B4GALT1: variants seen among roughly 807,000 people sequenced by gnomAD.
B4GALT1 encodes beta-1,4-galactosyltransferase 1.
B4GALT1 carries 16 observed loss-of-function variants against 34.9 expected under a neutral mutation model. The observed-to-expected ratio is 0.46, with a 90% CI of 0.31 to 0.70. B4GALT1 has a LOEUF of 0.70. Ranked by LOEUF, B4GALT1 falls within the 30% of genes least tolerant of loss-of-function variation. The pLI is 0.05. For synonymous variants in B4GALT1, 221 were observed against 218.1 expected, an observed-to-expected ratio of 1.01 and a Z score of -0.12; for missense variants, 445 against 530.5, an observed-to-expected ratio of 0.84 and a Z score of 1.58.
Position 33,157,730 on chromosome 9 carries a change from G to A in B4GALT1, c.412+9028C>T, listed in dbSNP as rs1315655913. 3.3e-5 allele frequency among the ~76,000 whole-genome samples: 5 copies of A among 149,556 alleles called. No homozygotes were observed. The South Asian group carries it at 6.3e-4, about 19-fold the overall frequency. On this transcript the variant is annotated intron_variant, in intron 1 of 5. Coordinates refer to ENST00000379731, the MANE Select transcript of B4GALT1 (RefSeq NM_001497.4). ...TGTATTTTCAACTAAAAAAAAAAAAGGTCCTATAAAGCAAAAGCCAAAATC... is the reference window on the plus strand; with the variant it reads ...TGTATTTTCAACTAAAAAAAAAAAAAGTCCTATAAAGCAAAAGCCAAAATC...
chr9:33,116,000 A>G lies in B4GALT1; in HGVS notation c.950T>C (p.Ile317Thr). 1 of 1,611,684 alleles carries G rather than the reference A, an allele frequency of 6.2e-7. No homozygotes were observed. Among genetic ancestry groups the G allele is most frequent in the Non-Finnish European group, 8.5e-7 (1 of 1,178,266 alleles). ...AAGTTATGACCATTACCTGTTAAAAATGTCATCATCTTCTCCTCCCCAGCC... is the reference window on the plus strand; with the variant it reads ...AAGTTATGACCATTACCTGTTAAAAGTGTCATCATCTTCTCCTCCCCAGCC... ...YWGWGGEDDD[I>T]FNRLVFRGMS... is the part of the protein sequence containing the mutation. Residue 317 changes from isoleucine to threonine, a missense_variant, in exon 4 of 6, where the codon ATT becomes ACT. Physicochemically the swap from Ile to Thr is moderately conservative, Grantham distance 89. Around this residue, in one of 3 missense-constraint regions of B4GALT1, gnomAD observed 89 missense variants for 107.6 expected, o/e 0.83. Coordinates refer to ENST00000379731, the MANE Select transcript of B4GALT1 (RefSeq NM_001497.4).
At chr9:33,175,021 A>ATATATATATATAT in the B4GALT1 span, among the ~76,000 whole-genome samples, 55 of 58,616 alleles carry the variant, frequency 9.4e-4, no homozygotes, top group East Asian at 2.1e-3. Context: ...ATATATATAT[A>ATATATATATATAT]AAATTGGAGG....
At chr9:33,114,686 T>C (rs373688507) in intron 4 of B4GALT1, among the ~76,000 whole-genome samples, 1 of 152,136 alleles carries the variant, frequency 6.6e-6, no homozygotes, top group South Asian at 2.1e-4. Context: ...GGAAAAGGAA[T>C]GAGGACCAAA....
exon 3 of B4GALT1, chr9:33,104,752 T>C (rs1407383832): frequency 2.2e-6 from 1 of 455,654 alleles, no homozygotes; most frequent in East Asian, 7.0e-5. Flanking sequence ...GGCGAAGCCT[T>C]CACCACAGGA....
chr9:33,125,162 G>A (rs1055118109), intron 2 of B4GALT1, among the ~76,000 whole-genome samples: 1 of 152,228 alleles, frequency 6.6e-6, no homozygotes, highest in East Asian at 1.9e-4. Flanking sequence ...ATGGGGACTG[G>A]AGACAGCAGA....
At chr9:33,130,345 T>A (rs1247109467) in intron 2 of B4GALT1, among the ~76,000 whole-genome samples, 1 of 152,038 alleles carries the variant, frequency 6.6e-6, no homozygotes, top group Non-Finnish European at 1.5e-5. Flanking sequence ...TGCTATGATG[T>A]CTTCTCCTTC....
chr9:33,113,661 C>T, intron 5 of B4GALT1, 75 bp from the exon 6 acceptor site: 4 of 1,609,662 alleles, frequency 2.5e-6, no homozygotes, highest in South Asian at 1.1e-5. Context: ...GTACTTCCTC[C>T]TCCCTCTCCA....
At chr9:33,115,381 A>G (rs1266925303) in intron 4 of B4GALT1, among the ~76,000 whole-genome samples, 1 of 152,202 alleles carries the variant, frequency 6.6e-6, no homozygotes, top group African/African-American at 2.4e-5. Context: ...CAGAGGACTG[A>G]GCAGAATGTT....
chr9:33,122,766 A>G (rs552221676), intron 2 of B4GALT1, among the ~76,000 whole-genome samples: 20 of 152,330 alleles, frequency 1.3e-4, no homozygotes, highest in African/African-American at 4.8e-4. Flanking sequence ...CCAAAGGCAC[A>G]CTGTGTTTTT....
rs562349109 is a variant in B4GALT1 at position 33,166,681 on chromosome 9, G to A, written c.412+77C>T. ...GGCTGTCGTAGAAGAGCCAGCCTGA[G>A]GGAATGTCTGGGGGACCCTGTCGGG... On this transcript the variant is annotated intron_variant, in intron 1 of 5. Coordinates refer to ENST00000379731, the MANE Select transcript of B4GALT1 (RefSeq NM_001497.4). 65 of 1,406,964 alleles carry A rather than the reference G, an allele frequency of 4.6e-5. No homozygotes were observed. In the South Asian group the frequency reaches 8.6e-4, roughly 19 times the overall value. 87.2% of individuals were successfully genotyped at this position (1,406,964 alleles called of 1,614,324 possible). A position where few individuals can be genotyped will look rare whatever the true frequency, so the allele number is the denominator to read the frequency against.
At chr9:33,178,189 G>T in the B4GALT1 span, among the ~76,000 whole-genome samples, 1 of 151,668 alleles carries the variant, frequency 6.6e-6, no homozygotes. Flanking sequence ...ATGGGGTTTT[G>T]CCATGTTGCC....
chr9:33,121,517 C>T (rs1489840926), intron 2 of B4GALT1, among the ~76,000 whole-genome samples: 2 of 143,624 alleles, frequency 1.4e-5, no homozygotes, highest in Non-Finnish European at 3.0e-5. Flanking sequence ...CATGTGCCAC[C>T]ATGCCCGGCT....
chr9:33,150,233 T>TACACACACACACACACACAC lies in B4GALT1; in HGVS notation c.413-14829_413-14810dup, dbSNP rs10701535. On this transcript the variant is annotated intron_variant, in intron 1 of 5. Transcript: ENST00000379731. ...TAATATCTATCTATCTACAGGTAGA[T>TACACACACACACACACACAC]ACACACACACACACACACACACACA... is the stretch of plus-strand genomic sequence containing the variant. Among the ~76,000 whole-genome samples the TACACACACACACACACACAC allele has an allele frequency of 2.9e-5, 4 of 138,170 alleles. No homozygotes were observed. In the South Asian group the frequency reaches 7.3e-4, roughly 25 times the overall value. The allele number at this position is 138,170 out of a possible 152,430, so 90.6% of individuals were successfully genotyped here. A position where few individuals can be genotyped will look rare whatever the true frequency, so the allele number is the denominator to read the frequency against.
At chr9:33,183,763 C>A in the B4GALT1 span, among the ~76,000 whole-genome samples, 1 of 150,974 alleles carries the variant, frequency 6.6e-6, no homozygotes, top group Admixed American at 6.6e-5. Flanking sequence ...GCACATGTAC[C>A]CTAAAACTTA....
intron 2 of B4GALT1, among the ~76,000 whole-genome samples, chr9:33,126,495 G>A (rs1840098417): frequency 6.6e-6 from 1 of 151,216 alleles, no homozygotes; most frequent in Admixed American, 6.6e-5. Flanking sequence ...GCCCAGGCTG[G>A]CCTTGAGCTC....
intron 1 of B4GALT1, among the ~76,000 whole-genome samples, chr9:33,158,224 A>G (rs1840625583): frequency 6.6e-6 from 1 of 152,192 alleles, no homozygotes; most frequent in South Asian, 2.1e-4. Context: ...AACAGAGACC[A>G]AAGGAGTTAG....
chr9:33,135,083 A>C (rs1840246793), intron 2 of B4GALT1, 106 bp downstream of exon 2: 1 of 1,176,212 alleles, frequency 8.5e-7, no homozygotes, highest in African/African-American at 1.5e-5. Flanking sequence ...TGTAAGTGCC[A>C]GGTGTCTGTG....
At chr9:33,176,829 C>A in the B4GALT1 span, among the ~76,000 whole-genome samples, 1 of 103,594 alleles carries the variant, frequency 9.7e-6, no homozygotes, top group Non-Finnish European at 2.1e-5. Context: ...ACACGTACCC[C>A]CAAATCTAAC....
chr9:33,122,564 G>A (rs1448742102), intron 2 of B4GALT1, among the ~76,000 whole-genome samples: 3 of 152,036 alleles, frequency 2.0e-5, no homozygotes, highest in Non-Finnish European at 4.4e-5. Flanking sequence ...CACTCCAAAA[G>A]GCTGCCTGTG....
Sources: gnomAD v4.1 joint callset for allele counts (sites outside exome capture counted in the v4.1 genomes callset) on GRCh38, gnomAD v4.1.1 for gene constraint, gnomAD v4.1.1 regional missense constraint, MANE v1.5 for transcripts, NCBI Gene and HGNC (gene_info 2026-07-23, HGNC 2026-07-21) for gene names.